Variants in CDKN2B-AS1 observed in about 807,000 individuals in gnomAD.
CDKN2B-AS1 encodes the protein CDKN2B and CDKN2A antisense cis and trans regulatory RNA 1.
intron 4 of CDKN2B-AS1, among the ~76,000 whole-genome samples, chr9:22,076,626 T>C (rs1010981740): frequency 6.6e-6 from 1 of 152,170 alleles, no homozygotes; most frequent in Non-Finnish European, 1.5e-5. Flanking sequence ...AAACCCCTCA[T>C]TGCAAGAGCA....
At chr9:22,066,831 A>G (rs1824063628) in intron 4 of CDKN2B-AS1, among the ~76,000 whole-genome samples, 1 of 152,082 alleles carries the variant, frequency 6.6e-6, no homozygotes, top group Non-Finnish European at 1.5e-5. Flanking sequence ...TCCATCAATG[A>G]TAGACTGGAT....
At chr9:22,046,944 A>G (rs1823133879) in intron 2 of CDKN2B-AS1, 1 of 152,196 alleles carries the variant, frequency 6.6e-6, no homozygotes, top group Non-Finnish European at 1.5e-5. Context: ...TTTAAATCAC[A>G]GAGACCTAGG....
At chr9:22,079,318 T>C (rs1000221289) in intron 4 of CDKN2B-AS1, among the ~76,000 whole-genome samples, 1 of 152,082 alleles carries the variant, frequency 6.6e-6, no homozygotes, top group Non-Finnish European at 1.5e-5. Flanking sequence ...AACCCATCTC[T>C]ACTAAAAATA....
At chr9:22,084,858 A>C (rs1824812469) in intron 4 of CDKN2B-AS1, among the ~76,000 whole-genome samples, 1 of 152,202 alleles carries the variant, frequency 6.6e-6, no homozygotes, top group Non-Finnish European at 1.5e-5. Flanking sequence ...AAGAAATTGC[A>C]TTCTTTTCCA....
intron 4 of CDKN2B-AS1, among the ~76,000 whole-genome samples, chr9:22,111,703 T>C (rs1404225650): frequency 6.6e-6 from 1 of 152,148 alleles, no homozygotes; most frequent in African/African-American, 2.4e-5. Flanking sequence ...ACCTAACACT[T>C]ATAAATGCAT....
chr9:22,091,462 T>C (rs1825081742), intron 4 of CDKN2B-AS1, among the ~76,000 whole-genome samples: 1 of 152,222 alleles, frequency 6.6e-6, no homozygotes, highest in Non-Finnish European at 1.5e-5. Flanking sequence ...CCCATGAGCA[T>C]GGAATGTTCT....
chr9:22,090,321 A>G (rs1235810287), intron 4 of CDKN2B-AS1, among the ~76,000 whole-genome samples: 1 of 152,218 alleles, frequency 6.6e-6, no homozygotes, highest in Non-Finnish European at 1.5e-5. Context: ...AGCATGATTT[A>G]TAATCCTTTG....
At chr9:22,091,010 A>G (rs199893363) in intron 4 of CDKN2B-AS1, among the ~76,000 whole-genome samples, 36 of 152,252 alleles carry the variant, frequency 2.4e-4, no homozygotes, top group African/African-American at 6.3e-4. Flanking sequence ...TGTATAAGGT[A>G]TAAGGAAAGG....
At chr9:22,017,082 C>CT (rs891248899) in intron 1 of CDKN2B-AS1, among the ~76,000 whole-genome samples, 18 of 152,122 alleles carry the variant, frequency 1.2e-4, no homozygotes, top group African/African-American at 3.9e-4. Context: ...ATAATATTAA[C>CT]TTTTTTTCAA....
At chr9:22,065,382 T>C (rs1291215304) in intron 4 of CDKN2B-AS1, among the ~76,000 whole-genome samples, 1 of 152,182 alleles carries the variant, frequency 6.6e-6, no homozygotes, top group Non-Finnish European at 1.5e-5. Flanking sequence ...GACTCGACAA[T>C]AAAGTAACCA....
intron 4 of CDKN2B-AS1, among the ~76,000 whole-genome samples, chr9:22,100,805 T>C (rs531648628): frequency 7.9e-5 from 12 of 152,348 alleles, no homozygotes; most frequent in African/African-American, 2.9e-4. Flanking sequence ...CATCTTTGCT[T>C]ACACTTATTA....
Position 22,006,362 on chromosome 9 carries a change from C to G in CDKN2B-AS1, n.29+11201C>G. On this transcript the variant is annotated intron_variant and non_coding_transcript_variant, in intron 1 of 4. Transcript: ENST00000650946. This position sits in a 1 kb window ranked among gnomAD's most constrained non-coding sequence, Gnocchi z 6.4. ...AACACCTAATTGCAAAGTTTTCACC[C>G]AGTGCAGAGGTGTTCAGGTCTCTGA... 1.4e-6 allele frequency: 2 copies of G among 1,417,658 alleles called. No homozygotes were observed. Among genetic ancestry groups the G allele is most frequent in the Non-Finnish European group, 1.9e-6 (2 of 1,037,706 alleles). The allele number at this position is 1,417,658 out of a possible 1,614,324, so 87.8% of individuals were successfully genotyped here.
chr9:22,043,668 A>T (rs1009523919), intron 1 of CDKN2B-AS1, among the ~76,000 whole-genome samples: 1 of 152,028 alleles, frequency 6.6e-6, no homozygotes, highest in Non-Finnish European at 1.5e-5. Flanking sequence ...CTTCATGATT[A>T]TGCTATTCAC....
Position 22,110,661 on chromosome 9 carries a change from A to T in CDKN2B-AS1, n.439-16442A>T, listed in dbSNP as rs553079060. Among the ~76,000 whole-genome samples the T allele has an allele frequency of 2.0e-5, 3 of 152,250 alleles. No homozygotes were observed. In the South Asian group the frequency reaches 6.2e-4, roughly 32 times the overall value. On this transcript the variant is annotated intron_variant and non_coding_transcript_variant, in intron 4 of 4. Coordinates refer to ENST00000650946, the Ensembl canonical transcript of CDKN2B-AS1. ...TTGCAATCATTGTGTATAAGTGCGTAAACCATGTATCTAGAGTTTATAGAA... is the reference window on the plus strand; with the variant it reads ...TTGCAATCATTGTGTATAAGTGCGTTAACCATGTATCTAGAGTTTATAGAA...
chr9:22,030,969 T>C (rs1220560886), intron 1 of CDKN2B-AS1: 1 of 152,160 alleles, frequency 6.6e-6, no homozygotes, highest in Non-Finnish European at 1.5e-5. Context: ...TTTGCTCTTA[T>C]GGTAACAATG....
At chr9:22,068,809 C>T (rs997376177) in intron 4 of CDKN2B-AS1, among the ~76,000 whole-genome samples, 1 of 152,182 alleles carries the variant, frequency 6.6e-6, no homozygotes, top group Non-Finnish European at 1.5e-5. Flanking sequence ...TTTCCTTGGT[C>T]TTAAGTAAGA....
Position 21,997,280 on chromosome 9 carries a change from C to T in CDKN2B-AS1, n.29+2119C>T, listed in dbSNP as rs1820731407. 6.6e-6 allele frequency among the ~76,000 whole-genome samples: 1 copy of T among 152,090 alleles called. No individual in the cohort carries two copies. The highest frequency in any genetic ancestry group is 1.5e-5 in the Non-Finnish European group (1 of 68,026). ...ATAGAAAAGGTAGTATGTTGTGCTA[C>T]AACTTTAGGACAGCTATGACATCAC... On this transcript the variant is annotated intron_variant and non_coding_transcript_variant, in intron 1 of 4. Transcript: ENST00000650946. The surrounding 1 kb of genome is among the most constrained non-coding windows in gnomAD (Gnocchi z 4.8).
Position 22,006,265 on chromosome 9 carries a change from G to A in CDKN2B-AS1, n.29+11104G>A, listed in dbSNP as rs1315592735. ...ATCATGACCTGCCAGAGAGAGCAGA[G>A]TGGTCAGAGCCAGGGTGGGGGCAGG... is the stretch of plus-strand genomic sequence containing the variant. On this transcript the variant is annotated intron_variant and non_coding_transcript_variant, in intron 1 of 4. Transcript: ENST00000650946. The surrounding 1 kb of genome is among the most constrained non-coding windows in gnomAD (Gnocchi z 6.4). The A allele has an allele frequency of 7.5e-6, 12 of 1,602,076 alleles. No individual in the cohort carries two copies. Among genetic ancestry groups the A allele is most frequent in the East Asian group, 4.5e-5 (2 of 44,878 alleles).
intron 1 of CDKN2B-AS1, chr9:22,004,111 A>G: frequency 4.3e-6 from 1 of 232,486 alleles, no homozygotes; most frequent in East Asian, 6.1e-5. Flanking sequence ...ATATTAAATT[A>G]ACAAATATAT....
Sources: gnomAD v4.1 joint callset for allele counts (sites outside exome capture counted in the v4.1 genomes callset) on GRCh38, gnomAD v4.1.1 for gene constraint, Gnocchi (gnomAD v3.1) non-coding constraint, MANE v1.5 for transcripts, NCBI Gene and HGNC (gene_info 2026-07-23, HGNC 2026-07-21) for gene names.